GALNT9: variants seen among roughly 807,000 people sequenced by gnomAD.
GALNT9 encodes polypeptide N-acetylgalactosaminyltransferase 9.
A neutral mutation model predicts 63.1 loss-of-function variants in GALNT9; 47 were observed. That is an observed-to-expected ratio of 0.75 (90% CI 0.59 to 0.95). GALNT9 has a LOEUF of 0.95. Among genes scored for constraint, GALNT9 ranks in the 40% least tolerant of loss-of-function variants. GALNT9 has a pLI of 0.00. For missense variants in GALNT9, 829 were observed against 874.8 expected (o/e 0.95, Z 0.66); for synonymous variants, 396 against 365.7 (o/e 1.08, Z -0.94).
At position 132,261,029 on chromosome 12, in the gene GALNT9, C is replaced by A. The variant is rs781946302; in HGVS notation, c.680G>T (p.Arg227Leu). The A allele has an allele frequency of 3.9e-6, 6 of 1,550,934 alleles. No individual in the cohort carries two copies. The Admixed American group carries it at 7.9e-5, about 20-fold the overall frequency. Residue 227 changes from arginine (R) to leucine (L), a missense_variant, in exon 4 of 11, where the codon CGC becomes CTC. Arg to Leu is a moderately radical substitution (Grantham distance 102). Transcript: ENST00000328957. The stretch of plus-strand genomic sequence containing the variant: ...CGCCTTCCAGCCCTGCAGCCGCGCG[C>A]GGATCAGTCCTTCCCGCCGGCTGTT... ...VRNSRREGLI[R>L]ARLQGWKAAT...
intron 9 of GALNT9, among the ~76,000 whole-genome samples, chr12:132,198,433 TG>T (rs1255676352): frequency 0.015 from 699 of 45,376 alleles, 5 homozygotes; most frequent in African/African-American, 0.063. Flanking sequence ...TCTGCGGGGC[TG>T]GGGCTGGGGC....
At chr12:132,324,959 A>G (rs1868974697) in intron 1 of GALNT9, among the ~76,000 whole-genome samples, 1 of 152,048 alleles carries the variant, frequency 6.6e-6, no homozygotes, top group Non-Finnish European at 1.5e-5. Flanking sequence ...CTCTGAACAC[A>G]CACTGGGGCT....
At position 132,286,507 on chromosome 12, in the gene GALNT9, C is replaced by T. The variant is rs1272661291; in HGVS notation, c.239-77G>A. On this transcript the variant is annotated intron_variant, in intron 1 of 10. Coordinates refer to ENST00000328957, the MANE Select transcript of GALNT9 (RefSeq NM_001122636.2). This position sits in a 1 kb window ranked among gnomAD's most constrained non-coding sequence, Gnocchi z 7.4. ...TGCACCCAGGAGACGCCCCTCCCGCCCCTCTCCCCGACGGCCGCTTCCCCC... is the reference window on the plus strand; with the variant it reads ...TGCACCCAGGAGACGCCCCTCCCGCTCCTCTCCCCGACGGCCGCTTCCCCC... 3.4e-6 allele frequency: 5 copies of T among 1,452,718 alleles called. No homozygotes were observed. In the African/African-American group the frequency reaches 7.3e-5, roughly 21 times the overall value. 90.0% of individuals were successfully genotyped at this position (1,452,718 alleles called of 1,614,324 possible).
rs560146071 is a variant in GALNT9, at chr12:132,214,012, G to T, written c.1078-10322C>A. 2.0e-5 allele frequency among the ~76,000 whole-genome samples: 3 copies of T among 152,272 alleles called. No homozygotes were observed. The South Asian group carries it at 6.2e-4, about 32-fold the overall frequency. ...CGACTCCGAGTCCTCAACCACCCCC[G>T]CTCCCTGCCAGGTCAGGCGTGGGGA... On this transcript the variant is annotated intron_variant, in intron 6 of 10. Transcript: ENST00000328957.
At chr12:132,240,724 G>A (rs2136899317) in intron 6 of GALNT9, 15 of 455,712 alleles carry the variant, frequency 3.3e-5, no homozygotes, top group Middle Eastern at 6.5e-4. Flanking sequence ...GAACCCTTCT[G>A]TTTCCTGGGA....
rs1182336816 is a variant in GALNT9 at position 132,197,129 on chromosome 12, C to T, written c.1790G>A (p.Trp597Ter). 7 of 1,614,184 alleles carry T rather than the reference C, an allele frequency of 4.3e-6. No homozygotes were observed. The highest frequency in any genetic ancestry group is 5.1e-6 in the Non-Finnish European group (6 of 1,180,020). Residue 597 changes from tryptophan (W) to a stop codon, truncating the protein, a stop_gained, in exon 11 of 11, where the codon TGG becomes TAG. Coordinates refer to ENST00000328957, the MANE Select transcript of GALNT9 (RefSeq NM_001122636.2). LOFTEE classifies it high-confidence loss of function. ...CSGQKWMIRNWIKHARH is the reference protein window; with the variant it reads ...CSGQKWMIRN ...GGGTCAGTGCCGTGCGTGTTTGATC[C>T]AGTTTCTGATCATCCACTTCTGCCC...
intron 6 of GALNT9, 88 bp from the exon 7 acceptor site, chr12:132,203,778 C>T (rs1372890548): frequency 6.3e-6 from 9 of 1,432,002 alleles, no homozygotes; most frequent in African/African-American, 1.4e-5. Flanking sequence ...GGCCAAGGGG[C>T]CCGGCCCTCT....
At chr12:132,243,861 G>A (rs2136906045) in intron 6 of GALNT9, among the ~76,000 whole-genome samples, 6 of 152,222 alleles carry the variant, frequency 3.9e-5, no homozygotes, top group Admixed American at 1.3e-4. Flanking sequence ...CCAATCACCC[G>A]TCAATCACCG....
chr12:132,316,753 C>T lies in GALNT9; in HGVS notation c.238+12213G>A, dbSNP rs1332824922. ...CAGCCACCCAGCCTCCTTCCCATCA[C>T]GAGCACTGGCGCTCACATGGGGTAC... On this transcript the variant is annotated intron_variant, in intron 1 of 10. Transcript: ENST00000328957. This position sits in a 1 kb window ranked among gnomAD's most constrained non-coding sequence, Gnocchi z 4.3. 8.5e-5 allele frequency among the ~76,000 whole-genome samples: 13 copies of T among 152,072 alleles called. No homozygotes were observed. The highest frequency in any genetic ancestry group is 4.1e-4 in the South Asian group (2 of 4,832).
chr12:132,204,839 G>A (rs1876545236), intron 6 of GALNT9, among the ~76,000 whole-genome samples: 1 of 152,042 alleles, frequency 6.6e-6, no homozygotes, highest in Non-Finnish European at 1.5e-5. Context: ...TGATCCACGT[G>A]GCCCAAGCTC....
intron 1 of GALNT9, among the ~76,000 whole-genome samples, chr12:132,305,780 C>A (rs571511208): frequency 1.9e-3 from 285 of 152,326 alleles, no homozygotes; most frequent in African/African-American, 6.6e-3. Context: ...GAGAGGGAAG[C>A]CAGTGAGGCC....
intron 6 of GALNT9, among the ~76,000 whole-genome samples, chr12:132,221,350 C>CAAAAA (rs869246524): frequency 2.6e-4 from 12 of 46,806 alleles, no homozygotes; most frequent in Non-Finnish European, 3.3e-4. Context: ...AGATTGTGTC[C>CAAAAA]AAAAAAAAAA....
chr12:132,312,941 T>C lies in GALNT9; in HGVS notation c.238+16025A>G, dbSNP rs73475854. ...TGGATGCACTGGGACCCAACCTGCCTTCCTCGTCTTCTCTCGTAGTCCAGC... is the reference window on the plus strand; with the variant it reads ...TGGATGCACTGGGACCCAACCTGCCCTCCTCGTCTTCTCTCGTAGTCCAGC... On this transcript the variant is annotated intron_variant, in intron 1 of 10. Transcript: ENST00000328957. 3.3e-3 allele frequency among the ~76,000 whole-genome samples: 499 copies of C among 152,224 alleles called. 5 individuals carry two copies. Among genetic ancestry groups the C allele is most frequent in the African/African-American group, 0.011 (476 of 41,520 alleles).
chr12:132,271,889 C>T (rs369944825), intron 2 of GALNT9, among the ~76,000 whole-genome samples: 1 of 152,174 alleles, frequency 6.6e-6, no homozygotes, highest in Non-Finnish European at 1.5e-5. Context: ...GTTACTGCGG[C>T]AGCAGCCATG....
At chr12:132,301,960 G>T (rs376383361) in intron 1 of GALNT9, among the ~76,000 whole-genome samples, 30 of 152,326 alleles carry the variant, frequency 2.0e-4, no homozygotes, top group African/African-American at 6.3e-4. Context: ...TCCATCAGAC[G>T]CTTGTCCACA....
At chr12:132,303,379 T>A (rs112888030) in intron 1 of GALNT9, among the ~76,000 whole-genome samples, 20,373 of 115,034 alleles carry the variant, frequency 0.18, 1,995 homozygotes, top group African/African-American at 0.24. Flanking sequence ...CAGCACCCTC[T>A]CCGGGGCACA....
At chr12:132,207,405 C>T (rs987866561) in intron 6 of GALNT9, among the ~76,000 whole-genome samples, 3 of 152,230 alleles carry the variant, frequency 2.0e-5, no homozygotes, top group Non-Finnish European at 1.5e-5. Flanking sequence ...ACTCTGTCCC[C>T]GGGGCCTTCT....
At chr12:132,304,467 G>A (rs1479047038) in intron 1 of GALNT9, among the ~76,000 whole-genome samples, 15 of 24,502 alleles carry the variant, frequency 6.1e-4, no homozygotes, top group East Asian at 2.4e-3. Flanking sequence ...GCACAGCCTC[G>A]CCCGGGCACA....
intron 1 of GALNT9, among the ~76,000 whole-genome samples, chr12:132,306,311 G>A (rs1287315717): frequency 1.3e-5 from 2 of 152,374 alleles, no homozygotes; most frequent in East Asian, 3.9e-4. Context: ...ATCCCCAGGT[G>A]ACTCTCAAGC....
Sources: allele counts gnomAD v4.1 joint callset (sites outside exome capture counted in the v4.1 genomes callset), GRCh38; gene constraint gnomAD v4.1.1; non-coding constraint Gnocchi (gnomAD v3.1); transcripts MANE v1.5; gene names NCBI Gene and HGNC (gene_info 2026-07-23, HGNC 2026-07-21).